BTRC: variants seen among roughly 807,000 people sequenced by gnomAD.
BTRC encodes beta-transducin repeat containing E3 ubiquitin protein ligase.
In BTRC, 42 loss-of-function variants were observed where a neutral mutation model predicts 85.5. The observed-to-expected ratio is 0.49, with a 90% CI of 0.38 to 0.64. The LOEUF is 0.64. Ranked by LOEUF, BTRC falls within the 30% of genes least tolerant of loss-of-function variation. The pLI is 0.00. For synonymous variants in BTRC, 255 were observed against 263.3 expected, an observed-to-expected ratio of 0.97 and a Z score of 0.30; for missense variants, 594 against 743.5, an observed-to-expected ratio of 0.80 and a Z score of 2.34.
At chr10:101,377,070 T>TATTA (rs1293607373) in intron 1 of BTRC, among the ~76,000 whole-genome samples, 9 of 152,200 alleles carry the variant, frequency 5.9e-5, no homozygotes, top group Non-Finnish European at 1.3e-4. Context: ...AAAACTCTTA[T>TATTA]ACTCTTCCTC....
intron 9 of BTRC, 139 bp from the exon 10 acceptor site, chr10:101,534,522 G>A: frequency 1.8e-6 from 2 of 1,115,374 alleles, no homozygotes; most frequent in Non-Finnish European, 1.3e-6. Context: ...CACACTGGCA[G>A]CATCCCATCC....
chr10:101,547,464 C>A (rs2062577572), intron 13 of BTRC, among the ~76,000 whole-genome samples: 2 of 150,738 alleles, frequency 1.3e-5, no homozygotes, highest in Non-Finnish European at 2.9e-5. Context: ...TCACAGCCTC[C>A]TGAGTAGCTG....
At chr10:101,389,134 T>C (rs1177195380) in intron 1 of BTRC, among the ~76,000 whole-genome samples, 1 of 140,164 alleles carries the variant, frequency 7.1e-6, no homozygotes, top group African/African-American at 2.6e-5. Flanking sequence ...TTTTTTTTTT[T>C]TTTTTTTTTT....
At chr10:101,518,299 G>T (rs2062052816) in intron 4 of BTRC, among the ~76,000 whole-genome samples, 1 of 152,198 alleles carries the variant, frequency 6.6e-6, no homozygotes. Context: ...AACGGTGTCA[G>T]ATTGTGTCGC....
chr10:101,379,255 G>C (rs957724243), intron 1 of BTRC, among the ~76,000 whole-genome samples: 1 of 152,076 alleles, frequency 6.6e-6, no homozygotes, highest in Non-Finnish European at 1.5e-5. Flanking sequence ...TTCTGAATAT[G>C]GTCCTCTTAC....
At chr10:101,394,296 T>C (rs1236875846) in intron 1 of BTRC, among the ~76,000 whole-genome samples, 1 of 152,258 alleles carries the variant, frequency 6.6e-6, no homozygotes, top group African/African-American at 2.4e-5. Context: ...TTAGATCTAA[T>C]TGCCGATGAC....
chr10:101,431,236 C>T (rs1448106467), intron 2 of BTRC, among the ~76,000 whole-genome samples: 3 of 151,988 alleles, frequency 2.0e-5, no homozygotes, highest in Non-Finnish European at 2.9e-5. Flanking sequence ...GCCACCACGC[C>T]TGGCTAATTT....
chr10:101,472,833 C>T (rs1945569925), intron 3 of BTRC, among the ~76,000 whole-genome samples: 1 of 152,140 alleles, frequency 6.6e-6, no homozygotes, highest in Non-Finnish European at 1.5e-5. Flanking sequence ...TATATCGTTA[C>T]TCCTAGATAC....
chr10:101,407,050 G>A (rs191887179), intron 1 of BTRC, among the ~76,000 whole-genome samples: 191 of 152,158 alleles, frequency 1.3e-3, no homozygotes, highest in Non-Finnish European at 2.3e-3. Flanking sequence ...AAATTTTCTT[G>A]TAGCCACATT....
intron 4 of BTRC, among the ~76,000 whole-genome samples, chr10:101,483,746 A>G (rs1184863997): frequency 6.6e-6 from 1 of 152,108 alleles, no homozygotes; most frequent in Non-Finnish European, 1.5e-5. Flanking sequence ...TTGGAGCATG[A>G]TGAGCTCTGT....
chr10:101,382,734 T>G (rs905651303), intron 1 of BTRC, among the ~76,000 whole-genome samples: 2 of 152,204 alleles, frequency 1.3e-5, no homozygotes, highest in Non-Finnish European at 2.9e-5. Flanking sequence ...TACCATCCAT[T>G]GGTGATTCTT....
chr10:101,384,011 C>G (rs528341280), intron 1 of BTRC, among the ~76,000 whole-genome samples: 1 of 152,154 alleles, frequency 6.6e-6, no homozygotes, highest in Admixed American at 6.6e-5. Context: ...TATCACCATG[C>G]CCTGTCTAGG....
At chr10:101,477,628 A>T (rs1225421531) in intron 3 of BTRC, among the ~76,000 whole-genome samples, 1 of 151,934 alleles carries the variant, frequency 6.6e-6, no homozygotes, top group Non-Finnish European at 1.5e-5. Flanking sequence ...CCAGTTTTTA[A>T]AATCCATTTC....
chr10:101,365,765 C>T (rs1942355315), intron 1 of BTRC, among the ~76,000 whole-genome samples: 1 of 152,152 alleles, frequency 6.6e-6, no homozygotes, highest in Non-Finnish European at 1.5e-5. Flanking sequence ...GCATGAGCCA[C>T]CATGCCTAGA....
chr10:101,493,706 A>G (rs935102464), intron 4 of BTRC, among the ~76,000 whole-genome samples: 2 of 152,232 alleles, frequency 1.3e-5, no homozygotes, highest in Non-Finnish European at 2.9e-5. Flanking sequence ...TCTTGCACTT[A>G]TAGTATTTTC....
At chr10:101,383,944 C>G (rs902901907) in intron 1 of BTRC, among the ~76,000 whole-genome samples, 6 of 152,104 alleles carry the variant, frequency 3.9e-5, no homozygotes, top group Admixed American at 6.6e-5. Flanking sequence ...AACTCCTGGG[C>G]TCAAAAGTGA....
rs755689728 is a variant in BTRC at position 101,442,889 on chromosome 10, C to CTTT, written c.156+12455_156+12457dup. Among the ~76,000 whole-genome samples the CTTT allele has an allele frequency of 8.6e-4, 105 of 122,344 alleles. 1 individual carries two copies. Among genetic ancestry groups the CTTT allele is most frequent in the African/African-American group, 1.6e-3 (50 of 31,356 alleles). The allele number at this position is 122,344 out of a possible 152,430, so 80.3% of individuals were successfully genotyped here. On this transcript the variant is annotated intron_variant, in intron 2 of 14. Coordinates refer to ENST00000370187, the MANE Select transcript of BTRC (RefSeq NM_033637.4). ...GTAAGTTGTACAGATCTCACTTGCTCTTTTTTTTTTTTTTTTTTTTGAGAC... is the reference window on the plus strand; with the variant it reads ...GTAAGTTGTACAGATCTCACTTGCTCTTTTTTTTTTTTTTTTTTTTTTTGAGAC...
At chr10:101,365,833 G>A (rs1024256462) in intron 1 of BTRC, among the ~76,000 whole-genome samples, 1 of 151,862 alleles carries the variant, frequency 6.6e-6, no homozygotes, top group Non-Finnish European at 1.5e-5. Context: ...TATCATAATC[G>A]GAAAAAGTAA....
intron 1 of BTRC, among the ~76,000 whole-genome samples, chr10:101,360,212 G>A (rs1025363718): frequency 2.0e-5 from 3 of 151,144 alleles, no homozygotes; most frequent in African/African-American, 2.4e-5. Context: ...GTGCCACCAC[G>A]CCCAGCTAAA....
Sources: gnomAD v4.1 joint callset for allele counts (sites outside exome capture counted in the v4.1 genomes callset) on GRCh38, gnomAD v4.1.1 for gene constraint, MANE v1.5 for transcripts, NCBI Gene and HGNC (gene_info 2026-07-23, HGNC 2026-07-21) for gene names.